The following ASB14 variants were observed in gnomAD, a reference collection of about 807,000 sequenced individuals.
ASB14 encodes ankyrin repeat and SOCS box containing 14.
A neutral mutation model predicts 55.6 loss-of-function variants in ASB14; 63 were observed. The ratio of observed to expected loss-of-function variants is 1.13; its 90% CI spans 0.92 to 1.40. ASB14 has a LOEUF of 1.40. Among genes scored for constraint, ASB14 ranks in the 40% most tolerant of loss-of-function variants. ASB14 has a pLI of 0.00. For synonymous variants in ASB14, 256 were observed against 259.9 expected (o/e 0.98, Z 0.15); for missense variants, 724 against 710.4 (o/e 1.02, Z -0.22).
chr3:57,270,464 T>C, intron 10 of ASB14: 1 of 152,792 alleles, frequency 6.5e-6, no homozygotes. Context: ...TAAAAGATTT[T>C]TGTTCAATAC....
intron 1 of ASB14, 90 bp from the exon 2 acceptor site, chr3:57,292,194 C>T: frequency 1.1e-6 from 1 of 935,010 alleles, no homozygotes. Flanking sequence ...ACAAAATATT[C>T]ACTAAAAAAT....
intron 6 of ASB14, 86 bp downstream of exon 6, chr3:57,283,108 T>C: frequency 6.9e-7 from 1 of 1,454,742 alleles, no homozygotes; most frequent in Non-Finnish European, 9.3e-7. Context: ...ATGTTAACTT[T>C]TATTATTTTG....
intron 6 of ASB14, among the ~76,000 whole-genome samples, chr3:57,282,044 T>C (rs1299967132): frequency 1.3e-5 from 2 of 152,244 alleles, no homozygotes; most frequent in African/African-American, 2.4e-5. Context: ...CAATGATCTA[T>C]ACAAAAGGTT....
Position 57,277,757 on chromosome 3 carries a change from G to C in ASB14, c.1585+10C>G, listed in dbSNP as rs371395796. 8.8e-6 allele frequency: 14 copies of C among 1,596,348 alleles called. No individual in the cohort carries two copies. Among genetic ancestry groups the C allele is most frequent in the Admixed American group, 1.8e-5 (1 of 55,704 alleles). ...TTTGTAAAAAGTCATTCTATGAGAA[G>C]GATACTTACTTAAGATAAAATGTAT... On this transcript the variant is annotated intron_variant, in intron 9 of 10. Coordinates refer to ENST00000487349, the MANE Select transcript of ASB14 (RefSeq NM_001142733.3).
chr3:57,289,917 G>A (rs1172656203), intron 2 of ASB14, among the ~76,000 whole-genome samples: 3 of 151,912 alleles, frequency 2.0e-5, no homozygotes, highest in South Asian at 2.1e-4. Context: ...AAAGTGCGGG[G>A]ATTACAGGCA....
intron 2 of ASB14, 76 bp from the exon 3 acceptor site, chr3:57,289,199 A>G: frequency 1.0e-6 from 1 of 1,003,550 alleles, no homozygotes; most frequent in East Asian, 2.6e-5. Flanking sequence ...TCAAAAGGAA[A>G]GGGTAATGGT....
chr3:57,280,507 T>A, intron 6 of ASB14, 34 bp from the exon 7 acceptor site: 1 of 1,520,514 alleles, frequency 6.6e-7, no homozygotes, highest in Non-Finnish European at 8.9e-7. Context: ...AATGCAAAAA[T>A]TATTTTCCAC....
In ASB14 at chr3:57,291,924, G is replaced by T; in HGVS notation, c.110C>A (p.Pro37His). 1 of 1,535,156 alleles carries T rather than the reference G, an allele frequency of 6.5e-7. No homozygotes were observed. The change falls in exon 2 of 11, where the codon CCT (proline) becomes CAT (histidine). Residue 37 changes from proline to histidine, a missense_variant. Pro to His is a moderately conservative substitution (Grantham distance 77, BLOSUM62 -2). Coordinates refer to ENST00000487349, the MANE Select transcript of ASB14 (RefSeq NM_001142733.3). ...IYKPGTAQHA[P>H]KDESLHSFLS... ...AGAAAACCATTACCTCTCATCCTTA[G>T]GTGCATGTTGTGCTGTTCCTGGCTT... is the stretch of plus-strand genomic sequence containing the variant.
At position 57,269,047 on chromosome 3, in the gene ASB14, C is replaced by G. The variant is rs1468228189; in HGVS notation, c.*594G>C. 6.4e-6 allele frequency: 1 copy of G among 155,218 alleles called. No individual in the cohort carries two copies. Among genetic ancestry groups the G allele is most frequent in the Non-Finnish European group, 1.4e-5 (1 of 70,214 alleles). The allele number at this position is 155,218 out of a possible 1,614,324, so 9.6% of individuals were successfully genotyped here. ...GACAGCTGGGATGCTTAGAACAGAT[C>G]AATAAGCATTGGCTGTGGGCTGGCT... On this transcript the variant is annotated 3_prime_UTR_variant, in exon 11 of 11. Transcript: ENST00000487349.
chr3:57,272,608 G>C (rs1579414409), intron 10 of ASB14: 1 of 151,570 alleles, frequency 6.6e-6, no homozygotes. Flanking sequence ...GAAAAAAAAA[G>C]TGTTTTTTTG....
rs567224003 is a variant in ASB14, at chr3:57,281,067, A to T, written c.716-594T>A. The stretch of plus-strand genomic sequence containing the variant: ...AAGTGTTTCATATTTCAGGGTTTTT[A>T]AAAAAAATATTTGCACTACACTTAC... On this transcript the variant is annotated intron_variant, in intron 6 of 10. Transcript: ENST00000487349. Among the ~76,000 whole-genome samples, 14 of 149,668 alleles carry T rather than the reference A, an allele frequency of 9.4e-5. No homozygotes were observed. The East Asian group carries it at 9.7e-4, about 10-fold the overall frequency.
chr3:57,282,358 T>C (rs1045916037), intron 6 of ASB14, among the ~76,000 whole-genome samples: 1 of 152,172 alleles, frequency 6.6e-6, no homozygotes, highest in African/African-American at 2.4e-5. Flanking sequence ...ATTGAGACTT[T>C]TAAAAATCTT....
At chr3:57,272,348 C>T (rs905377444) in intron 10 of ASB14, 3 of 152,122 alleles carry the variant, frequency 2.0e-5, no homozygotes, top group Non-Finnish European at 1.5e-5. Flanking sequence ...GCCACATCTG[C>T]AATGATTATT....
At chr3:57,285,021 C>A (rs1342095061) in intron 5 of ASB14, among the ~76,000 whole-genome samples, 2 of 146,950 alleles carry the variant, frequency 1.4e-5, no homozygotes, top group Non-Finnish European at 3.0e-5. Flanking sequence ...CTCACTGCAA[C>A]CTCGTCTCTC....
At position 57,288,077 on chromosome 3, in the gene ASB14, TACC is replaced by T. The variant is rs1559524829; in HGVS notation, c.311-21_311-19del. On this transcript the variant is annotated intron_variant, in intron 4 of 10. Transcript: ENST00000487349. ...GTCTGAAGCTGAAATAAATTCATCA[TACC>T]ACACAAATTAAGATATAGAAATGAA... The T allele has an allele frequency of 1.4e-5, 22 of 1,536,466 alleles. No homozygotes were observed. The African/African-American group carries it at 1.5e-4, about 11-fold the overall frequency.
intron 9 of ASB14, among the ~76,000 whole-genome samples, chr3:57,277,178 A>G (rs1050723723): frequency 6.6e-6 from 1 of 151,566 alleles, no homozygotes; most frequent in Admixed American, 6.6e-5. Flanking sequence ...GAGGCAGGAG[A>G]ATCGCTTGAA....
At chr3:57,291,021 T>C (rs1259672186) in intron 2 of ASB14, among the ~76,000 whole-genome samples, 1 of 152,144 alleles carries the variant, frequency 6.6e-6, no homozygotes, top group African/African-American at 2.4e-5. Context: ...TGCCTCACTT[T>C]CCTCCTCTCT....
intron 10 of ASB14, chr3:57,272,043 G>C (rs1559517922): frequency 6.6e-6 from 1 of 152,160 alleles, no homozygotes; most frequent in Non-Finnish European, 1.5e-5. Context: ...TTCTAGTTCT[G>C]AGATGCTTTG....
At chr3:57,274,862 G>A (rs771771493) in intron 10 of ASB14, among the ~76,000 whole-genome samples, 8 of 152,074 alleles carry the variant, frequency 5.3e-5, no homozygotes, top group East Asian at 1.9e-4. Context: ...CACATTAACC[G>A]GTAAATGGTC....
Sources: allele counts gnomAD v4.1 joint callset (sites outside exome capture counted in the v4.1 genomes callset), GRCh38; gene constraint gnomAD v4.1.1; transcripts MANE v1.5; gene names NCBI Gene and HGNC (gene_info 2026-07-23, HGNC 2026-07-21).